Variants in C8B observed in about 807,000 individuals in gnomAD.
C8B encodes complement C8 beta chain.
In C8B, 67 loss-of-function variants were observed where a neutral mutation model predicts 64.6. That is an observed-to-expected ratio of 1.04 (90% CI 0.85 to 1.27). C8B has a LOEUF of 1.27. C8B is among the 50% of genes most tolerant of loss of function. The pLI, the probability that C8B is intolerant of heterozygous loss-of-function variation, is 0.00. For synonymous variants in C8B, 284 were observed against 257.7 expected (o/e 1.10, Z -0.98); for missense variants, 790 against 725.2 (o/e 1.09, Z -1.03).
chr1:56,954,083 T>A (rs2101441926), intron 4 of C8B, among the ~76,000 whole-genome samples: 1 of 152,270 alleles, frequency 6.6e-6, no homozygotes, highest in South Asian at 2.1e-4. Flanking sequence ...GGTCTCCCTC[T>A]TCCACCTGCA....
chr1:56,944,632 C>T (rs1199698557), intron 7 of C8B, among the ~76,000 whole-genome samples: 3 of 152,294 alleles, frequency 2.0e-5, no homozygotes, highest in Middle Eastern at 3.4e-3. Flanking sequence ...GGAGTACATT[C>T]GTGAAACTTT....
rs1570390153 is a variant in C8B, at chr1:56,947,489, C to T, written c.865-1428G>A. ...TTCTGCCCGACATATACCTACTTAC[C>T]TTTTAAATTTCTACTTTGCCATTGC... On this transcript the variant is annotated intron_variant, in intron 6 of 11. Transcript: ENST00000371237. Among the ~76,000 whole-genome samples, 3 of 152,132 alleles carry T rather than the reference C, an allele frequency of 2.0e-5. No individual in the cohort carries two copies. The South Asian group carries it at 6.2e-4, about 32-fold the overall frequency.
At chr1:56,958,577 C>T (rs1222280801) in intron 2 of C8B, among the ~76,000 whole-genome samples, 2 of 151,790 alleles carry the variant, frequency 1.3e-5, no homozygotes, top group East Asian at 1.9e-4. Context: ...AAATATATCA[C>T]CCAATCTGAC....
At chr1:56,964,686 G>A (rs927163261) in intron 1 of C8B, among the ~76,000 whole-genome samples, 6 of 152,154 alleles carry the variant, frequency 3.9e-5, no homozygotes, top group Non-Finnish European at 7.3e-5. Flanking sequence ...CTTTTGTAAC[G>A]GTACACATAG....
At chr1:56,934,354 G>T (rs1365619225) in intron 9 of C8B, among the ~76,000 whole-genome samples, 2 of 152,134 alleles carry the variant, frequency 1.3e-5, no homozygotes, top group African/African-American at 2.4e-5. Context: ...GAAGCATAGA[G>T]GAAGAATCAG....
intron 6 of C8B, among the ~76,000 whole-genome samples, chr1:56,947,386 G>A (rs529491915): frequency 1.3e-5 from 2 of 152,128 alleles, no homozygotes; most frequent in Non-Finnish European, 2.9e-5. Context: ...ACTTTTCACT[G>A]TTCCCCAAGC....
At chr1:56,961,514 G>T (rs942554665) in intron 1 of C8B, among the ~76,000 whole-genome samples, 7 of 152,140 alleles carry the variant, frequency 4.6e-5, no homozygotes, top group African/African-American at 1.7e-4. Context: ...GGTCTCTTAG[G>T]CTCTAGAGTA....
intron 9 of C8B, among the ~76,000 whole-genome samples, chr1:56,935,479 C>T (rs1272582163): frequency 6.6e-6 from 1 of 152,144 alleles, no homozygotes; most frequent in Non-Finnish European, 1.5e-5. Flanking sequence ...CTCAGCACAC[C>T]TGCCCTTCTG....
intron 6 of C8B, among the ~76,000 whole-genome samples, chr1:56,947,791 C>T (rs1399630285): frequency 1.3e-5 from 2 of 151,944 alleles, no homozygotes; most frequent in African/African-American, 2.4e-5. Flanking sequence ...ATTAGCTGAG[C>T]ATGGTAGCAT....
At chr1:56,964,111 G>T in intron 1 of C8B, 1 of 496,606 alleles carries the variant, frequency 2.0e-6, no homozygotes, top group Non-Finnish European at 2.6e-6. Context: ...TGTCACTGAG[G>T]ATCAGTTTGT....
chr1:56,965,617 C>G (rs1450713547), intron 1 of C8B, among the ~76,000 whole-genome samples: 1 of 152,190 alleles, frequency 6.6e-6, no homozygotes, highest in African/African-American at 2.4e-5. Context: ...CTATTCTTCT[C>G]AGCATGACAA....
chr1:56,940,841 T>C lies in C8B; in HGVS notation c.1398+8A>G. On this transcript the variant is annotated splice_region_variant and intron_variant, in intron 9 of 11. Coordinates refer to ENST00000371237, the MANE Select transcript of C8B (RefSeq NM_000066.4). ...GGAGGAAAGGATGGGTAGAGCAGCG[T>C]TGTGTACCTTAACTTTGATGATGGC... The C allele has an allele frequency of 6.2e-7, 1 of 1,614,004 alleles. No individual in the cohort carries two copies. The highest frequency in any genetic ancestry group is 8.5e-7 in the Non-Finnish European group (1 of 1,179,980).
rs1249313136 is a variant in C8B at position 56,949,048 on chromosome 1, A to G, written c.864+507T>C. 2.0e-5 allele frequency among the ~76,000 whole-genome samples: 3 copies of G among 152,004 alleles called. No homozygotes were observed. In the East Asian group the frequency reaches 5.8e-4, roughly 29 times the overall value. ...GAAGATTTCAAGACAACAGAAAGATAATTGGTTGTTAGAACTAGTTGTAAC... is the reference window on the plus strand; with the variant it reads ...GAAGATTTCAAGACAACAGAAAGATGATTGGTTGTTAGAACTAGTTGTAAC... On this transcript the variant is annotated intron_variant, in intron 6 of 11. Coordinates refer to ENST00000371237, the MANE Select transcript of C8B (RefSeq NM_000066.4).
chr1:56,957,631 C>T (rs1443804681), intron 2 of C8B, among the ~76,000 whole-genome samples: 2 of 152,164 alleles, frequency 1.3e-5, no homozygotes, highest in African/African-American at 4.8e-5. Context: ...TCTCTACCAT[C>T]TTATGCATTT....
intron 8 of C8B, among the ~76,000 whole-genome samples, chr1:56,942,892 A>G (rs184634269): frequency 2.8e-4 from 43 of 151,934 alleles, no homozygotes; most frequent in Non-Finnish European, 4.0e-4. Context: ...CAACATGGCA[A>G]AACCCTGTCT....
intron 9 of C8B, among the ~76,000 whole-genome samples, chr1:56,933,718 G>A (rs2101358835): frequency 6.6e-6 from 1 of 152,240 alleles, no homozygotes. Flanking sequence ...CTAAGTGCTA[G>A]GTATTAAGCA....
intron 9 of C8B, among the ~76,000 whole-genome samples, chr1:56,935,107 C>T (rs777427379): frequency 2.4e-4 from 37 of 152,296 alleles, no homozygotes; most frequent in Non-Finnish European, 4.7e-4. Context: ...TCACGCAATT[C>T]ATATATGGTA....
intron 8 of C8B, among the ~76,000 whole-genome samples, chr1:56,941,424 A>G (rs1644853544): frequency 6.6e-6 from 1 of 152,146 alleles, no homozygotes; most frequent in Non-Finnish European, 1.5e-5. Context: ...TAGATAGGTG[A>G]TAGGAGATAG....
chr1:56,963,579 TG>T (rs1645209172), intron 1 of C8B, among the ~76,000 whole-genome samples: 1 of 8,840 alleles, frequency 1.1e-4, no homozygotes, highest in Non-Finnish European at 2.3e-4. Flanking sequence ...ATGTGGAGGT[TG>T]GGGGGTGGTG....
Sources: allele counts gnomAD v4.1 joint callset (sites outside exome capture counted in the v4.1 genomes callset), GRCh38; gene constraint gnomAD v4.1.1; transcripts MANE v1.5; gene names NCBI Gene and HGNC (gene_info 2026-07-23, HGNC 2026-07-21).